The following OTOGL variants were observed in gnomAD, a reference collection of about 807,000 sequenced individuals.
OTOGL encodes otogelin-like protein.
Under a neutral mutation model 318.5 loss-of-function variants are expected in OTOGL, and 285 were observed. The observed-to-expected ratio is 0.89, with a 90% CI of 0.81 to 0.99. The LOEUF is 0.99. OTOGL is among the 50% of genes least tolerant of loss of function. OTOGL has a pLI of 0.00. For missense variants in OTOGL, 2,899 were observed against 2,845.6 expected (o/e 1.02, Z -0.43); for synonymous variants, 987 against 936.5 (o/e 1.05, Z -0.99).
chr12:80,135,038 A>C (rs1871463058), intron 1 of OTOGL, among the ~76,000 whole-genome samples: 1 of 152,014 alleles, frequency 6.6e-6, no homozygotes, highest in East Asian at 1.9e-4. Flanking sequence ...CTTCTACATC[A>C]TCTCTGATTC....
chr12:80,336,816 A>G lies in OTOGL; in HGVS notation c.4763A>G (p.Lys1588Arg), dbSNP rs1888437993. ...TTCCAGAATGGAAACTCCTTAAAAAAGCTAGTGAGTATTTGCAAAGTGTTT... is the reference window on the plus strand; with the variant it reads ...TTCCAGAATGGAAACTCCTTAAAAAGGCTAGTGAGTATTTGCAAAGTGTTT... The part of the protein sequence containing the change: ...SMNQNGNSLK[K>R]LAPSGRISGL... Residue 1588 changes from lysine to arginine, a missense_variant, in exon 41 of 59, where the codon AAG becomes AGG. Lys to Arg is a conservative substitution (Grantham distance 26). Coordinates refer to ENST00000547103, the MANE Select transcript of OTOGL (RefSeq NM_001378609.3). The G allele has an allele frequency of 3.3e-6, 5 of 1,529,962 alleles. No individual in the cohort carries two copies. Among genetic ancestry groups the G allele is most frequent in the Non-Finnish European group, 4.4e-6 (5 of 1,129,544 alleles). The allele number at this position is 1,529,962 out of a possible 1,614,324, so 94.8% of individuals were successfully genotyped here. A position where few individuals can be genotyped will look rare whatever the true frequency, so the allele number is the denominator to read the frequency against.
At position 80,271,708 on chromosome 12, in the gene OTOGL, C is replaced by G. The variant is rs774701877; in HGVS notation, c.2579C>G (p.Pro860Arg). Residue 860 changes from proline (P) to arginine (R), a missense_variant, in exon 24 of 59, where the codon CCA (proline) becomes CGA (arginine). By Grantham distance (103) the Pro-to-Arg change is moderately radical. This residue lies in a region of OTOGL where 2,607 missense variants were observed against 2,524.9 expected (regional missense o/e 1.03). Coordinates refer to ENST00000547103, the MANE Select transcript of OTOGL (RefSeq NM_001378609.3). ...FDCRFPDPEL[P>R]AGGVNCETTC... is the part of the protein sequence containing the mutation. ...TGCAGGTTTCCTGACCCTGAATTAC[C>G]AGCTGGTGGTGTTAATTGTGAGACT... is the stretch of plus-strand genomic sequence containing the variant. The G allele has an allele frequency of 1.2e-6, 2 of 1,613,028 alleles. No homozygotes were observed. Among genetic ancestry groups the G allele is most frequent in the Non-Finnish European group, 1.7e-6 (2 of 1,179,386 alleles).
At position 80,345,157 on chromosome 12, in the gene OTOGL, TATATTATGATA is replaced by T. The variant is rs1445583520; in HGVS notation, c.5265+2996_5265+3006del. Among the ~76,000 whole-genome samples the T allele has an allele frequency of 2.2e-5, 3 of 138,614 alleles. No individual in the cohort carries two copies. In the East Asian group the frequency reaches 5.9e-4, roughly 27 times the overall value. The allele number at this position is 138,614 out of a possible 152,430, so 90.9% of individuals were successfully genotyped here. A position where few individuals can be genotyped will look rare whatever the true frequency, so the allele number is the denominator to read the frequency against. ...ATAATATATATTATATGTTATATTA[TATATTATGATA>T]TATAATATATTTTATATTTATAATG... On this transcript the variant is annotated intron_variant, in intron 44 of 58. Transcript: ENST00000547103.
intron 11 of OTOGL, among the ~76,000 whole-genome samples, chr12:80,250,605 A>G (rs1232431708): frequency 1.3e-5 from 2 of 152,246 alleles, no homozygotes; most frequent in South Asian, 4.1e-4. Context: ...CTGAGCCTCT[A>G]GAGTTTATAT....
At chr12:80,203,127 A>T (rs1876573376) in intron 1 of OTOGL, among the ~76,000 whole-genome samples, 2 of 152,210 alleles carry the variant, frequency 1.3e-5, no homozygotes, top group Non-Finnish European at 2.9e-5. Flanking sequence ...GTAACAAATT[A>T]CCACAAATTT....
At chr12:80,257,740 AAG>A in intron 17 of OTOGL, 83 bp from the exon 18 acceptor site, 2 of 1,206,736 alleles carry the variant, frequency 1.7e-6, no homozygotes, top group Non-Finnish European at 2.2e-6. Flanking sequence ...GTATCTGGGG[AAG>A]AGAGTCCTGG....
chr12:80,233,983 TA>T (rs1391573106), intron 9 of OTOGL, among the ~76,000 whole-genome samples: 1 of 152,236 alleles, frequency 6.6e-6, no homozygotes, highest in Non-Finnish European at 1.5e-5. Flanking sequence ...AGCACATAGC[TA>T]TGTTATTCCC....
chr12:80,208,457 C>T (rs1876983221), intron 1 of OTOGL, among the ~76,000 whole-genome samples: 1 of 152,176 alleles, frequency 6.6e-6, no homozygotes, highest in African/African-American at 2.4e-5. Flanking sequence ...GCACACTGGT[C>T]TGTTAAATGA....
chr12:80,198,635 CA>C (rs765752137), intron 1 of OTOGL, among the ~76,000 whole-genome samples: 15 of 152,066 alleles, frequency 9.9e-5, no homozygotes, highest in Non-Finnish European at 1.8e-4. Flanking sequence ...AATAAATAAA[CA>C]AAACAACTCT....
intron 32 of OTOGL, among the ~76,000 whole-genome samples, chr12:80,315,057 T>C (rs1886882091): frequency 6.6e-6 from 1 of 152,150 alleles, no homozygotes; most frequent in Non-Finnish European, 1.5e-5. Context: ...AGAATGGTGG[T>C]TACTGGAGGC....
At chr12:80,325,851 C>A (rs979835471) in intron 35 of OTOGL, among the ~76,000 whole-genome samples, 1 of 152,106 alleles carries the variant, frequency 6.6e-6, no homozygotes, top group Non-Finnish European at 1.5e-5. Flanking sequence ...TTTGAAATGG[C>A]ATTTGGCTAG....
Position 80,271,651 on chromosome 12 carries a change from A to G in OTOGL, c.2522A>G (p.His841Arg). 1.9e-6 allele frequency: 3 copies of G among 1,612,294 alleles called. No homozygotes were observed. Among genetic ancestry groups the G allele is most frequent in the East Asian group, 2.2e-5 (1 of 44,814 alleles). Residue 841 changes from histidine to arginine, a missense_variant, in exon 24 of 59, where the codon CAC (histidine) becomes CGC (arginine). His to Arg is a conservative substitution (Grantham distance 29, BLOSUM62 0). Around this residue, in one of 3 missense-constraint regions of OTOGL, gnomAD observed 2,607 missense variants for 2,524.9 expected, o/e 1.03. Coordinates refer to ENST00000547103, the MANE Select transcript of OTOGL (RefSeq NM_001378609.3). The stretch of plus-strand genomic sequence containing the variant: ...TTGTCTGTGCTTATATCTGAAGTTC[A>G]CATCTGCCCAGAGGGAAAAGAGTAT... ...CDELATPSAV[H>R]ICPEGKEYFD...
chr12:80,256,500 A>ACAAACAAG, intron 17 of OTOGL, 40 bp downstream of exon 17: 1 of 1,479,810 alleles, frequency 6.8e-7, no homozygotes, highest in Non-Finnish European at 9.0e-7. Context: ...TTTACATCAA[A>ACAAACAAG]CAAACAAACA....
At chr12:80,260,289 C>T (rs1255821215) in intron 18 of OTOGL, among the ~76,000 whole-genome samples, 1 of 152,036 alleles carries the variant, frequency 6.6e-6, no homozygotes, top group Non-Finnish European at 1.5e-5. Context: ...ATTTGTAGGT[C>T]AAAATATTGA....
intron 1 of OTOGL, chr12:80,103,437 T>C (rs945078793): frequency 5.5e-5 from 34 of 621,206 alleles, no homozygotes; most frequent in Admixed American, 1.1e-4. Flanking sequence ...TATGCCAGAA[T>C]GTTGTCCCTT....
intron 1 of OTOGL, among the ~76,000 whole-genome samples, chr12:80,122,139 GTTGT>G (rs1870524601): frequency 6.6e-6 from 1 of 151,970 alleles, no homozygotes; most frequent in African/African-American, 2.4e-5. Flanking sequence ...AAAACTTTGA[GTTGT>G]TTAACTAACT....
chr12:80,163,999 T>C (rs1592509584), intron 1 of OTOGL, among the ~76,000 whole-genome samples: 1 of 152,082 alleles, frequency 6.6e-6, no homozygotes, highest in Admixed American at 6.6e-5. Context: ...CCACAAATGA[T>C]GAAAGATGGG....
chr12:80,278,459 G>A (rs568651064), intron 25 of OTOGL, among the ~76,000 whole-genome samples, 184 bp downstream of exon 25: 41 of 151,438 alleles, frequency 2.7e-4, no homozygotes, highest in African/African-American at 9.7e-4. Context: ...TTATTTTTAT[G>A]CATATTTGTT....
At chr12:80,122,358 G>C (rs1416262856) in intron 1 of OTOGL, among the ~76,000 whole-genome samples, 1 of 152,034 alleles carries the variant, frequency 6.6e-6, no homozygotes, top group African/African-American at 2.4e-5. Flanking sequence ...ATCAATGAAA[G>C]ACAAAAATAA....
Sources: gnomAD v4.1 joint callset for allele counts (sites outside exome capture counted in the v4.1 genomes callset) on GRCh38, gnomAD v4.1.1 for gene constraint, gnomAD v4.1.1 regional missense constraint, MANE v1.5 for transcripts, NCBI Gene and HGNC (gene_info 2026-07-23, HGNC 2026-07-21) for gene names.